The following FOXP1 variants were observed in gnomAD, a reference collection of about 807,000 sequenced individuals.
The protein encoded by FOXP1 is forkhead box P1.
Under a neutral mutation model 98.2 loss-of-function variants are expected in FOXP1, and 15 were observed. The ratio of observed to expected loss-of-function variants is 0.15; its 90% confidence interval spans 0.10 to 0.24. FOXP1 has a LOEUF of 0.24. FOXP1 is among the 10% of genes least tolerant of loss of function. FOXP1 has a pLI of 1.00. For missense variants in FOXP1, 633 were observed against 848.5 expected (o/e 0.75, Z 3.15); for synonymous variants, 371 against 314.5 (o/e 1.18, Z -1.90).
chr3:71,341,202 C>T (rs1364631958), intron 4 of FOXP1, among the ~76,000 whole-genome samples: 1 of 152,146 alleles, frequency 6.6e-6, no homozygotes, highest in Non-Finnish European at 1.5e-5. Context: ...GGACACTCTC[C>T]AGGATATACC....
chr3:71,155,544 G>C (rs2060779882), intron 6 of FOXP1, among the ~76,000 whole-genome samples: 1 of 152,130 alleles, frequency 6.6e-6, no homozygotes, highest in Non-Finnish European at 1.5e-5. Context: ...GGGACCAGTA[G>C]CCACCATACT....
chr3:70,993,140 T>C (rs1044081853), intron 13 of FOXP1, among the ~76,000 whole-genome samples: 1 of 152,218 alleles, frequency 6.6e-6, no homozygotes, highest in Non-Finnish European at 1.5e-5. Flanking sequence ...GTAATTGATT[T>C]GTGTTAGGAT....
intron 6 of FOXP1, among the ~76,000 whole-genome samples, chr3:71,158,111 G>GGAAGGAAGGAAGGAAGGGAGGGAGGGAA (rs1560038283): frequency 3.5e-5 from 2 of 57,968 alleles, no homozygotes; most frequent in Admixed American, 1.8e-4. Flanking sequence ...AAGGAAGGGA[G>GGAAGGAAGGAAGGAAGGGAGGGAGGGAA]GGAGGGAGGG....
chr3:71,566,737 C>T (rs971482587), intron 2 of FOXP1, among the ~76,000 whole-genome samples: 1 of 152,096 alleles, frequency 6.6e-6, no homozygotes, highest in African/African-American at 2.4e-5. Flanking sequence ...AAGCACTGTG[C>T]CCTCCATTGA....
intron 11 of FOXP1, among the ~76,000 whole-genome samples, chr3:71,026,717 C>G (rs1311790212): frequency 6.6e-6 from 1 of 152,192 alleles, no homozygotes; most frequent in Non-Finnish European, 1.5e-5. Flanking sequence ...CCAATCTCCC[C>G]TATCTCCCCC....
chr3:71,111,324 T>C (rs942481975), intron 7 of FOXP1, among the ~76,000 whole-genome samples: 5 of 152,200 alleles, frequency 3.3e-5, no homozygotes, highest in African/African-American at 1.2e-4. Context: ...AACGTGAGCA[T>C]GAAGACCCTG....
chr3:70,957,785 A>G lies in FOXP1; in HGVS notation c.*1462T>C, dbSNP rs1292718950. ...GGTTGGTGATATAATATTGCATAAC[A>G]AACTGCAGTACCAAATTTGCATATT... On this transcript the variant is annotated 3_prime_UTR_variant, in exon 21 of 21. Coordinates refer to ENST00000649528, the MANE Select transcript of FOXP1 (RefSeq NM_001349338.3). 1 of 234,066 alleles carries G rather than the reference A, an allele frequency of 4.3e-6. No individual in the cohort carries two copies. The highest frequency in any genetic ancestry group is 8.5e-6 in the Non-Finnish European group (1 of 118,314). The allele number at this position is 234,066 out of a possible 1,614,324, so 14.5% of individuals were successfully genotyped here.
intron 5 of FOXP1, among the ~76,000 whole-genome samples, chr3:71,268,516 CG>C (rs774326653): frequency 1.3e-5 from 2 of 152,028 alleles, no homozygotes; most frequent in African/African-American, 2.4e-5. Context: ...ACACCAGGGG[CG>C]ATACTGAGGG....
intron 6 of FOXP1, among the ~76,000 whole-genome samples, chr3:71,180,756 T>C (rs1449139484): frequency 6.6e-6 from 1 of 152,168 alleles, no homozygotes; most frequent in East Asian, 1.9e-4. Context: ...AATTGCGTAA[T>C]GCCAGTAAAA....
chr3:71,116,474 G>A, intron 6 of FOXP1, among the ~76,000 whole-genome samples: 1 of 152,232 alleles, frequency 6.6e-6, no homozygotes, highest in East Asian at 1.9e-4. Flanking sequence ...ATAAACACAG[G>A]TAAAATAACT....
At chr3:71,065,904 A>C (rs1257577821) in intron 7 of FOXP1, 1 of 152,072 alleles carries the variant, frequency 6.6e-6, no homozygotes, top group Non-Finnish European at 1.5e-5. Context: ...GCGTCAGGTT[A>C]ATCTAGTCCA....
intron 5 of FOXP1, among the ~76,000 whole-genome samples, chr3:71,295,444 C>T (rs985005511): frequency 3.3e-5 from 5 of 152,000 alleles, no homozygotes; most frequent in East Asian, 1.9e-4. Flanking sequence ...TACAAGGATG[C>T]ATTTATAGTT....
chr3:71,502,904 C>G (rs1462612888), intron 2 of FOXP1, among the ~76,000 whole-genome samples: 2 of 150,736 alleles, frequency 1.3e-5, no homozygotes, highest in East Asian at 1.9e-4. Flanking sequence ...AATGAAGAAA[C>G]CAACTAGGTC....
chr3:71,580,699 A>G (rs1476480090), intron 2 of FOXP1: 1 of 820,616 alleles, frequency 1.2e-6, no homozygotes, highest in Non-Finnish European at 1.5e-6. Flanking sequence ...GATGGAATGG[A>G]AAAATTTTGC....
In FOXP1 at chr3:70,998,805, A is replaced by C. The variant is rs546437546; in HGVS notation, c.1062+2167T>G. On this transcript the variant is annotated intron_variant, in intron 13 of 20. Transcript: ENST00000649528. ...GAAAGCTGCCAGGAAATAAACACTT[A>C]ATTTACTGATGATGGTCTAAATCTT... Among the ~76,000 whole-genome samples the C allele has an allele frequency of 2.5e-3, 388 of 152,298 alleles. 1 individual carries two copies. The highest frequency in any genetic ancestry group is 4.5e-3 in the Non-Finnish European group (308 of 68,026).
At position 71,403,192 on chromosome 3, in the gene FOXP1, A is replaced by G. The variant is rs111474806; in HGVS notation, c.-167-43948T>C. ...ATCTTCTCCAAGTCACAAAATCCTC[A>G]TGTGTTCATGTGTGGCGTGTACATG... On this transcript the variant is annotated intron_variant, in intron 3 of 20. Transcript: ENST00000649528. Among the ~76,000 whole-genome samples, 536 of 152,312 alleles carry G rather than the reference A, an allele frequency of 3.5e-3. 4 individuals are homozygous for G. The highest frequency in any genetic ancestry group is 0.012 in the African/African-American group (518 of 41,566).
intron 2 of FOXP1, among the ~76,000 whole-genome samples, chr3:71,494,014 G>C (rs2091240916): frequency 1.3e-5 from 2 of 152,136 alleles, no homozygotes; most frequent in Admixed American, 1.3e-4. Flanking sequence ...ATTAAAACTA[G>C]TAGGAAAGGT....
chr3:71,109,488 C>T (rs1319315316), intron 7 of FOXP1, among the ~76,000 whole-genome samples: 1 of 151,380 alleles, frequency 6.6e-6, no homozygotes, highest in African/African-American at 2.4e-5. Context: ...AAGCCTTCCT[C>T]TATGCAGAAG....
chr3:71,335,823 G>A (rs1257859233), intron 4 of FOXP1, among the ~76,000 whole-genome samples: 1 of 151,880 alleles, frequency 6.6e-6, no homozygotes, highest in African/African-American at 2.4e-5. Context: ...TGGCCAACGT[G>A]GTGAAACCCC....
Sources: gnomAD v4.1 joint callset for allele counts (sites outside exome capture counted in the v4.1 genomes callset) on GRCh38, gnomAD v4.1.1 for gene constraint, MANE v1.5 for transcripts, NCBI Gene and HGNC (gene_info 2026-07-23, HGNC 2026-07-21) for gene names.